The following ACTMAP variants were observed in gnomAD, a reference collection of about 807,000 sequenced individuals.
ACTMAP encodes the protein UPF0692 protein C19orf54.
the ACTMAP span, among the ~76,000 whole-genome samples, chr19:40,747,463 G>A: frequency 4.6e-5 from 7 of 152,034 alleles, no homozygotes; most frequent in African/African-American, 1.2e-4. Context: ...GCTTGAACCC[G>A]GGAGGCAGAG....
chr19:40,743,103 G>A, the ACTMAP span, among the ~76,000 whole-genome samples: 1 of 152,176 alleles, frequency 6.6e-6, no homozygotes. Context: ...AAGCCATGAA[G>A]AAGCTGAGCG....
the ACTMAP span, chr19:40,742,318 G>T: frequency 9.3e-7 from 1 of 1,071,018 alleles, no homozygotes. Context: ...GATGAAGGAG[G>T]ACTGGAGACC....
At chr19:40,746,808 GCCT>G in the ACTMAP span, among the ~76,000 whole-genome samples, 22 of 152,088 alleles carry the variant, frequency 1.4e-4, no homozygotes, top group South Asian at 2.9e-3. Flanking sequence ...ACCATGCCCG[GCCT>G]CCTTTTTTTT....
the ACTMAP span, chr19:40,742,546 A>C: frequency 6.3e-7 from 1 of 1,592,402 alleles, no homozygotes; most frequent in Non-Finnish European, 8.6e-7. Flanking sequence ...GAGGGCGAGA[A>C]GTCCGTCAGC....
chr19:40,742,627 G>A, the ACTMAP span: 7,121 of 1,613,008 alleles, frequency 4.4e-3, 245 homozygotes, highest in African/African-American at 0.08. Context: ...TGCTTGGACA[G>A]CAGGTAGACA....
the ACTMAP span, chr19:40,744,480 A>G: frequency 1.3e-6 from 2 of 1,566,696 alleles, no homozygotes; most frequent in South Asian, 1.1e-5. Flanking sequence ...ACCCTGACAC[A>G]CGGCTGCCAG....
the ACTMAP span, among the ~76,000 whole-genome samples, chr19:40,747,949 G>C: frequency 1.3e-5 from 2 of 152,112 alleles, no homozygotes; most frequent in Non-Finnish European, 2.9e-5. Context: ...CTATAGCTAA[G>C]GGGCATTATA....
chr19:40,743,807 T>C, the ACTMAP span: 84 of 1,472,428 alleles, frequency 5.7e-5, no homozygotes, highest in Admixed American at 1.4e-3. Context: ...CCAGCCTGGC[T>C]GGGGAGGCAC....
At chr19:40,747,501 G>A in the ACTMAP span, among the ~76,000 whole-genome samples, 2 of 151,996 alleles carry the variant, frequency 1.3e-5, no homozygotes, top group Non-Finnish European at 2.9e-5. Flanking sequence ...TCATGCCACT[G>A]CACTCCAGTC....
At chr19:40,742,340 G>A in the ACTMAP span, 2 of 1,279,048 alleles carry the variant, frequency 1.6e-6, no homozygotes, top group South Asian at 3.1e-5. Flanking sequence ...CTGAGACCTA[G>A]CTTCAATCTT....
At chr19:40,749,370 A>G in the ACTMAP span, 1 of 1,112,230 alleles carries the variant, frequency 9.0e-7, no homozygotes, top group Non-Finnish European at 1.3e-6. Flanking sequence ...GGGGGACCTA[A>G]GTAGTCAGCC....
At chr19:40,749,666 C>T in the ACTMAP span, 2 of 1,539,282 alleles carry the variant, frequency 1.3e-6, no homozygotes, top group East Asian at 2.5e-5. Context: ...TCTGCTGACT[C>T]CAGGGAGGGG....
At chr19:40,743,800 G>A in the ACTMAP span, 1 of 1,433,892 alleles carries the variant, frequency 7.0e-7, no homozygotes, top group Non-Finnish European at 9.8e-7. Flanking sequence ...TAAGTGCCCA[G>A]CCTGGCTGGG....
chr19:40,748,182 G>A, the ACTMAP span, among the ~76,000 whole-genome samples: 2 of 152,116 alleles, frequency 1.3e-5, no homozygotes, highest in Admixed American at 6.5e-5. Flanking sequence ...TGTGTCCGGA[G>A]GCCAGGCCCA....
the ACTMAP span, among the ~76,000 whole-genome samples, chr19:40,743,358 A>G: frequency 2.0e-5 from 3 of 151,596 alleles, no homozygotes; most frequent in East Asian, 5.8e-4. Flanking sequence ...TCAGCCTCCC[A>G]AGTAGCTAGG....
At chr19:40,747,165 G>C in the ACTMAP span, among the ~76,000 whole-genome samples, 12 of 152,206 alleles carry the variant, frequency 7.9e-5, no homozygotes, top group East Asian at 2.1e-3. Flanking sequence ...TTGGGTGTTG[G>C]GGGGGTGCGG....
the ACTMAP span, chr19:40,742,723 C>G: frequency 1.2e-6 from 2 of 1,612,034 alleles, no homozygotes; most frequent in Non-Finnish European, 1.7e-6. Context: ...AGCTCAGGGT[C>G]CTCAGTGTAG....
the ACTMAP span, among the ~76,000 whole-genome samples, chr19:40,745,774 G>C: frequency 6.6e-6 from 1 of 152,192 alleles, no homozygotes; most frequent in East Asian, 1.9e-4. Context: ...CCGGGTTCAA[G>C]TGGGTCTCCT....
chr19:40,741,051 T>C, the ACTMAP span: 4 of 398,700 alleles, frequency 1.0e-5, no homozygotes, highest in African/African-American at 8.2e-5. Context: ...TGAGCAAGGC[T>C]GCTCCAAGCC....
Sources: allele counts gnomAD v4.1 joint callset (sites outside exome capture counted in the v4.1 genomes callset), GRCh38; gene constraint gnomAD v4.1.1; transcripts MANE v1.5; gene names NCBI Gene and HGNC (gene_info 2026-07-23, HGNC 2026-07-21).